The following CHST11 variants were observed in gnomAD, a reference collection of about 807,000 sequenced individuals.
CHST11 encodes the protein C4S-1.
A neutral mutation model predicts 30.4 loss-of-function variants in CHST11; 9 were observed. The ratio of observed to expected loss-of-function variants is 0.30; its 90% CI spans 0.18 to 0.52. CHST11 has a LOEUF of 0.52. Among genes scored for constraint, CHST11 ranks in the 20% least tolerant of loss-of-function variants. CHST11 has a pLI of 0.97. For missense variants in CHST11, 348 were observed against 460.6 expected (o/e 0.76, Z 2.24); for synonymous variants, 152 against 187.8 (o/e 0.81, Z 1.56).
At chr12:104,554,188 T>C (rs761611073) in intron 1 of CHST11, among the ~76,000 whole-genome samples, 1 of 152,168 alleles carries the variant, frequency 6.6e-6, no homozygotes, top group Non-Finnish European at 1.5e-5. Flanking sequence ...GGCTAGCTTA[T>C]GCTCAAGGGG....
intron 1 of CHST11, among the ~76,000 whole-genome samples, chr12:104,459,496 C>T (rs1298952226): frequency 6.6e-6 from 1 of 152,248 alleles, no homozygotes; most frequent in African/African-American, 2.4e-5. Flanking sequence ...AGCAGGAATG[C>T]GCTTGAGCTT....
intron 2 of CHST11, among the ~76,000 whole-genome samples, chr12:104,731,497 G>A (rs1384773896): frequency 6.6e-6 from 1 of 152,208 alleles, no homozygotes; most frequent in African/African-American, 2.4e-5. Context: ...GGATCAGAAG[G>A]AGAAGAGGGG....
At chr12:104,522,582 G>A (rs1281557055) in intron 1 of CHST11, among the ~76,000 whole-genome samples, 1 of 152,126 alleles carries the variant, frequency 6.6e-6, no homozygotes, top group Admixed American at 6.6e-5. Context: ...TCACTCATCC[G>A]AATCTCTGGA....
At chr12:104,580,890 C>T (rs759258450) in intron 1 of CHST11, among the ~76,000 whole-genome samples, 1 of 152,164 alleles carries the variant, frequency 6.6e-6, no homozygotes, top group South Asian at 2.1e-4. Context: ...CTGCACCTAG[C>T]CTGGGTTTTC....
In CHST11 at chr12:104,649,965, G is replaced by A. The variant is rs1016418664; in HGVS notation, c.204+47974G>A. On this transcript the variant is annotated intron_variant, in intron 2 of 2. Coordinates refer to ENST00000303694, the MANE Select transcript of CHST11 (RefSeq NM_018413.6). ...GAAAACAGTGCCCTGGCAGCTCTGG[G>A]CACCCAAAGGGCACTCCATCAATTA... is the stretch of plus-strand genomic sequence containing the variant. Among the ~76,000 whole-genome samples, 42 of 152,184 alleles carry A rather than the reference G, an allele frequency of 2.8e-4. 1 individual carries two copies. Among genetic ancestry groups the A allele is most frequent in the African/African-American group, 9.4e-4 (39 of 41,436 alleles).
intron 2 of CHST11, among the ~76,000 whole-genome samples, chr12:104,634,534 C>T (rs1003060169): frequency 3.3e-5 from 5 of 152,232 alleles, no homozygotes; most frequent in East Asian, 3.8e-4. Context: ...CGACACGTCT[C>T]GCACCATTTC....
chr12:104,488,738 CGCGTGTGTGT>C lies in CHST11; in HGVS notation c.118+31211_118+31220del, dbSNP rs1460953390. On this transcript the variant is annotated intron_variant, in intron 1 of 2. Transcript: ENST00000303694. The stretch of plus-strand genomic sequence containing the variant: ...GTGTGCGTGTATGTGTGTATGTGTA[CGCGTGTGTGT>C]GTGTGTGTGTGTGTGTGTGTGTGTC... Among the ~76,000 whole-genome samples the C allele has an allele frequency of 3.3e-3, 227 of 68,014 alleles. 2 individuals are homozygous for C. The highest frequency in any genetic ancestry group is 0.016 in the African/African-American group (213 of 13,738). The allele number at this position is 68,014 out of a possible 152,430, so 44.6% of individuals were successfully genotyped here. A position where few individuals can be genotyped will look rare whatever the true frequency, so the allele number is the denominator to read the frequency against.
intron 2 of CHST11, among the ~76,000 whole-genome samples, chr12:104,689,468 G>A (rs147984767): frequency 1.9e-4 from 29 of 152,358 alleles, no homozygotes; most frequent in Non-Finnish European, 3.2e-4. Context: ...CTGAGACGAG[G>A]TGAGCAAGTC....
chr12:104,627,798 G>A (rs11112138), intron 2 of CHST11, among the ~76,000 whole-genome samples: 50 of 132,764 alleles, frequency 3.8e-4, no homozygotes, highest in Middle Eastern at 4.0e-3. Flanking sequence ...GATGATGATG[G>A]TGGTGGTGGA....
chr12:104,581,011 A>G (rs1228352029), intron 1 of CHST11, among the ~76,000 whole-genome samples: 2 of 152,250 alleles, frequency 1.3e-5, no homozygotes, highest in Non-Finnish European at 2.9e-5. Flanking sequence ...TGAAAGGCAA[A>G]AATCTGAGTG....
At chr12:104,716,363 G>C (rs989894350) in intron 2 of CHST11, among the ~76,000 whole-genome samples, 49 of 152,248 alleles carry the variant, frequency 3.2e-4, no homozygotes, top group African/African-American at 9.4e-4. Context: ...GTGTGACCAT[G>C]AGCACCTCAT....
chr12:104,591,658 TC>T (rs2038859576), intron 1 of CHST11: 1 of 150,834 alleles, frequency 6.6e-6, no homozygotes, highest in Admixed American at 6.6e-5. Flanking sequence ...AGGCCAGAGG[TC>T]CCACAGCAGG....
chr12:104,457,811 C>CT (rs375793601), intron 1 of CHST11, among the ~76,000 whole-genome samples: 1,506 of 132,438 alleles, frequency 0.011, 35 homozygotes, highest in African/African-American at 0.038. Context: ...TTTTCTTCTT[C>CT]TTTTTTTCTT....
chr12:104,698,718 A>G (rs1024510079), intron 2 of CHST11, among the ~76,000 whole-genome samples: 1 of 152,190 alleles, frequency 6.6e-6, no homozygotes, highest in African/African-American at 2.4e-5. Flanking sequence ...ATTACTGGAG[A>G]CATGATTGAA....
At position 104,759,600 on chromosome 12, in the gene CHST11, T is replaced by G. The variant is rs577763421; in HGVS notation, c.*1797T>G. ...TTCACAGAAACTATTAAGATTGTAT[T>G]GTAAAGCTCACAGCAAGCTCAGTGG... On this transcript the variant is annotated 3_prime_UTR_variant, in exon 3 of 3. Coordinates refer to ENST00000303694, the MANE Select transcript of CHST11 (RefSeq NM_018413.6). The G allele has an allele frequency of 6.6e-6, 1 of 152,336 alleles. No individual in the cohort carries two copies. Among genetic ancestry groups the G allele is most frequent in the Non-Finnish European group, 1.5e-5 (1 of 68,028 alleles). 9.4% of individuals were successfully genotyped at this position (152,336 alleles called of 1,614,324 possible). A position where few individuals can be genotyped will look rare whatever the true frequency, so the allele number is the denominator to read the frequency against.
At chr12:104,709,322 T>C (rs2040064288) in intron 2 of CHST11, among the ~76,000 whole-genome samples, 1 of 152,184 alleles carries the variant, frequency 6.6e-6, no homozygotes, top group Non-Finnish European at 1.5e-5. Context: ...AGGTAGCAAG[T>C]ACATGAGGCT....
chr12:104,493,918 G>T (rs985303386), intron 1 of CHST11, among the ~76,000 whole-genome samples: 2 of 152,040 alleles, frequency 1.3e-5, no homozygotes, highest in Non-Finnish European at 2.9e-5. Flanking sequence ...CCATCTCTTG[G>T]GCTCAAGTGA....
chr12:104,755,636 A>C (rs1364680698), intron 2 of CHST11, among the ~76,000 whole-genome samples: 1 of 151,994 alleles, frequency 6.6e-6, no homozygotes, highest in Non-Finnish European at 1.5e-5. Flanking sequence ...AAATACAAAA[A>C]TCAGCAGGGC....
intron 2 of CHST11, among the ~76,000 whole-genome samples, chr12:104,704,877 T>C (rs1428550024): frequency 6.6e-6 from 1 of 151,940 alleles, no homozygotes; most frequent in Non-Finnish European, 1.5e-5. Context: ...CCCTCAGTAC[T>C]CCTCCTGGGG....
Sources: allele counts gnomAD v4.1 joint callset (sites outside exome capture counted in the v4.1 genomes callset), GRCh38; gene constraint gnomAD v4.1.1; transcripts MANE v1.5; gene names NCBI Gene and HGNC (gene_info 2026-07-23, HGNC 2026-07-21).